The following SMIM35 variants were observed in gnomAD, a reference collection of about 807,000 sequenced individuals.
SMIM35 encodes small integral membrane protein 35, also known as TMPRSS4 antisense RNA 1 (non-protein coding).
intron 1 of SMIM35, among the ~76,000 whole-genome samples, chr11:118,031,079 G>A (rs995177057): frequency 2.0e-5 from 3 of 152,132 alleles, no homozygotes; most frequent in African/African-American, 4.8e-5. Context: ...ACTAATGGAC[G>A]CCAGACTTCA....
At chr11:118,049,206 G>A (rs1455307015) in intron 1 of SMIM35, among the ~76,000 whole-genome samples, 1 of 152,006 alleles carries the variant, frequency 6.6e-6, no homozygotes, top group Non-Finnish European at 1.5e-5. Context: ...CCAGAGAGGG[G>A]CAATGGCCCC....
chr11:118,042,514 G>A (rs1005324342), intron 1 of SMIM35, among the ~76,000 whole-genome samples: 3 of 152,164 alleles, frequency 2.0e-5, no homozygotes, highest in Admixed American at 2.0e-4. Context: ...CTTTCCCACT[G>A]ATTCTGCCAA....
intron 1 of SMIM35, among the ~76,000 whole-genome samples, chr11:118,051,345 C>A (rs921200231): frequency 1.3e-5 from 2 of 152,224 alleles, no homozygotes; most frequent in Non-Finnish European, 2.9e-5. Context: ...AGGAGCCATT[C>A]GTGGATGCTG....
intron 1 of SMIM35, among the ~76,000 whole-genome samples, chr11:118,073,184 T>A (rs1944600527): frequency 6.6e-6 from 1 of 151,892 alleles, no homozygotes; most frequent in Non-Finnish European, 1.5e-5. Context: ...GTGATCCACC[T>A]GCCTTGACCT....
chr11:118,029,934 A>G (rs1591285402), intron 1 of SMIM35: 1 of 365,980 alleles, frequency 2.7e-6, no homozygotes, highest in East Asian at 7.5e-5. Flanking sequence ...CTCTAGAATA[A>G]ATTCTCTCTG....
intron 1 of SMIM35, among the ~76,000 whole-genome samples, chr11:118,076,790 G>C (rs1025044777): frequency 6.6e-6 from 1 of 152,000 alleles, no homozygotes; most frequent in Admixed American, 6.6e-5. Context: ...CCAAACCAAA[G>C]CACCCACACA....
At chr11:118,065,240 C>A (rs1257573708) in intron 1 of SMIM35, among the ~76,000 whole-genome samples, 1 of 152,224 alleles carries the variant, frequency 6.6e-6, no homozygotes, top group Non-Finnish European at 1.5e-5. Context: ...ACACTCCCAG[C>A]CTAATCTGGC....
At chr11:118,057,165 C>A (rs907956873) in intron 1 of SMIM35, among the ~76,000 whole-genome samples, 1 of 152,320 alleles carries the variant, frequency 6.6e-6, no homozygotes. Flanking sequence ...GCAGAAGGAA[C>A]TGCCAACTGG....
intron 1 of SMIM35, among the ~76,000 whole-genome samples, chr11:118,026,840 A>G (rs1303093924): frequency 3.3e-5 from 5 of 152,262 alleles, no homozygotes; most frequent in South Asian, 4.1e-4. Flanking sequence ...CAGGTCTTAT[A>G]TAAGTCTCGG....
chr11:118,012,600 G>A (rs1357402923), intron 4 of SMIM35, among the ~76,000 whole-genome samples: 3 of 152,194 alleles, frequency 2.0e-5, no homozygotes, highest in African/African-American at 7.2e-5. Flanking sequence ...TTTCTAGACT[G>A]TTCTCAGCAC....
At chr11:118,059,574 A>G (rs1306920257) in intron 1 of SMIM35, 1 of 152,138 alleles carries the variant, frequency 6.6e-6, no homozygotes, top group Non-Finnish European at 1.5e-5. Context: ...GTTGTTAAAA[A>G]CCCAAGAGCA....
chr11:118,053,573 G>C (rs1288470092), intron 1 of SMIM35, among the ~76,000 whole-genome samples: 1 of 152,126 alleles, frequency 6.6e-6, no homozygotes, highest in African/African-American at 2.4e-5. Flanking sequence ...CCTGCAACCT[G>C]AGCGCCCTCT....
At chr11:118,068,364 A>G (rs1944517302) in intron 1 of SMIM35, among the ~76,000 whole-genome samples, 1 of 151,978 alleles carries the variant, frequency 6.6e-6, no homozygotes. Context: ...CTTTCCTCTT[A>G]GAGTTTGCCA....
intron 1 of SMIM35, among the ~76,000 whole-genome samples, chr11:118,017,844 A>C (rs1378884543): frequency 6.6e-6 from 1 of 152,194 alleles, no homozygotes; most frequent in East Asian, 1.9e-4. Flanking sequence ...AGTGCCAAGC[A>C]AAAGCGGGGA....
intron 1 of SMIM35, among the ~76,000 whole-genome samples, chr11:118,079,958 G>T (rs1037855349): frequency 5.9e-5 from 9 of 152,258 alleles, no homozygotes; most frequent in African/African-American, 2.2e-4. Context: ...CTGCTCTCCT[G>T]GATCCTTTGC....
intron 1 of SMIM35, among the ~76,000 whole-genome samples, chr11:118,046,369 T>C (rs147764362): frequency 1.3e-5 from 2 of 152,290 alleles, no homozygotes; most frequent in South Asian, 2.1e-4. Context: ...TGTGATCTCC[T>C]ACCAAGCACA....
Position 118,005,915 on chromosome 11 carries a change from A to C in SMIM35, c.*495T>G, listed in dbSNP as rs2058119252. ...AGATGGCAGGCAGTGGGCACTGCAG[A>C]CGAGACTTTGTCAGGCCAGGAGGAC... On this transcript the variant is annotated 3_prime_UTR_variant, in exon 5 of 5. Coordinates refer to ENST00000689828, the MANE Select transcript of SMIM35 (RefSeq NM_001394165.1). 6.6e-6 allele frequency: 1 copy of C among 152,518 alleles called. No individual in the cohort carries two copies. 9.4% of individuals were successfully genotyped at this position (152,518 alleles called of 1,614,324 possible). A position where few individuals can be genotyped will look rare whatever the true frequency, so the allele number is the denominator to read the frequency against.
At chr11:118,058,414 C>T (rs534860808) in intron 1 of SMIM35, among the ~76,000 whole-genome samples, 5 of 152,164 alleles carry the variant, frequency 3.3e-5, no homozygotes, top group East Asian at 1.9e-4. Flanking sequence ...GGACCCAAGG[C>T]GGGAGGGGCG....
At chr11:118,059,449 C>T (rs747320800) in intron 1 of SMIM35, 4 of 152,222 alleles carry the variant, frequency 2.6e-5, no homozygotes, top group Non-Finnish European at 5.9e-5. Context: ...CTCTGCCACT[C>T]ACCGAGGGCT....
Sources: allele counts gnomAD v4.1 joint callset (sites outside exome capture counted in the v4.1 genomes callset), GRCh38; gene constraint gnomAD v4.1.1; transcripts MANE v1.5; gene names NCBI Gene and HGNC (gene_info 2026-07-23, HGNC 2026-07-21).